The following CMKLR2 variants were observed in gnomAD, a reference collection of about 807,000 sequenced individuals.
The protein encoded by CMKLR2 is chemerin chemokine-like receptor 2.
A neutral mutation model predicts 23.0 loss-of-function variants in CMKLR2; 18 were observed. The ratio of observed to expected loss-of-function variants is 0.78; its 90% CI spans 0.54 to 1.16. The LOEUF is 1.16. Among genes scored for constraint, CMKLR2 ranks in the 50% most tolerant of loss-of-function variants. CMKLR2 has a pLI of 0.00. For missense variants in CMKLR2, 401 were observed against 412.7 expected (o/e 0.97, Z 0.25); for synonymous variants, 158 against 158.9 (o/e 0.99, Z 0.05).
upstream of CMKLR2, among the ~76,000 whole-genome samples, chr2:206,217,039 A>T (rs920377250): frequency 1.3e-5 from 2 of 152,192 alleles, no homozygotes; most frequent in African/African-American, 4.8e-5. Context: ...ATATTATATC[A>T]TCAAGTCATA....
chr2:206,179,383 T>TC (rs1475766001), intron 1 of CMKLR2, among the ~76,000 whole-genome samples: 6 of 142,342 alleles, frequency 4.2e-5, no homozygotes, highest in Non-Finnish European at 9.2e-5. Context: ...CCTTTTTTTT[T>TC]TTTTTTTTTT....
At chr2:206,210,351 G>A (rs1032821122) in intron 1 of CMKLR2, among the ~76,000 whole-genome samples, 4 of 152,110 alleles carry the variant, frequency 2.6e-5, no homozygotes, top group Admixed American at 6.5e-5. Context: ...TGGCTGCACA[G>A]TATTCCATGG....
rs144313527 is a variant in CMKLR2 at position 206,198,487 on chromosome 2, G to A, written c.-29+14820C>T. ...TGAGAAGCTCAAAGATGGCAGCACC[G>A]TATATTCTAGCTCTTTTATTACTCT... is the stretch of plus-strand genomic sequence containing the variant. On this transcript the variant is annotated intron_variant, in intron 1 of 1. Coordinates refer to ENST00000621141, the MANE Select transcript of CMKLR2 (RefSeq NM_001389445.1). Among the ~76,000 whole-genome samples the A allele has an allele frequency of 2.0e-3, 306 of 152,264 alleles. 3 individuals carry two copies. Among genetic ancestry groups the A allele is most frequent in the African/African-American group, 7.1e-3 (293 of 41,558 alleles).
At chr2:206,191,414 C>CT (rs1244099944) in intron 1 of CMKLR2, among the ~76,000 whole-genome samples, 2 of 152,050 alleles carry the variant, frequency 1.3e-5, no homozygotes, top group African/African-American at 4.8e-5. Flanking sequence ...AGTGGGACTT[C>CT]TTTGAGTTAC....
intron 1 of CMKLR2, among the ~76,000 whole-genome samples, chr2:206,190,247 C>G (rs1274674874): frequency 6.6e-6 from 1 of 152,076 alleles, no homozygotes; most frequent in African/African-American, 2.4e-5. Flanking sequence ...TGATTTGGCT[C>G]GAGAAGGGAC....
At chr2:206,182,365 T>C (rs999797760) in intron 1 of CMKLR2, among the ~76,000 whole-genome samples, 4 of 152,216 alleles carry the variant, frequency 2.6e-5, no homozygotes, top group African/African-American at 9.7e-5. Flanking sequence ...ACTTGTCTTA[T>C]CACACTTAAC....
intron 1 of CMKLR2, among the ~76,000 whole-genome samples, chr2:206,180,998 G>T (rs771458408): frequency 2.0e-5 from 3 of 150,122 alleles, no homozygotes; most frequent in African/African-American, 7.4e-5. Context: ...CAGGTGATCC[G>T]CCCACCTTGG....
At chr2:206,213,091 T>C (rs915467554) in intron 1 of CMKLR2, among the ~76,000 whole-genome samples, 2 of 152,234 alleles carry the variant, frequency 1.3e-5, no homozygotes, top group South Asian at 2.1e-4. Context: ...TCAGCAGCTG[T>C]AGCGAACCCT....
intron 1 of CMKLR2, among the ~76,000 whole-genome samples, chr2:206,212,661 C>A (rs554509527): frequency 6.6e-5 from 10 of 152,192 alleles, no homozygotes; most frequent in Non-Finnish European, 1.3e-4. Context: ...ATTTAGCCAT[C>A]TACCCCTTGT....
intron 1 of CMKLR2, among the ~76,000 whole-genome samples, chr2:206,183,281 A>G (rs918147369): frequency 1.4e-4 from 22 of 152,234 alleles, no homozygotes; most frequent in Non-Finnish European, 3.1e-4. Flanking sequence ...AGAAAAGCCC[A>G]TGGAAGACCC....
At chr2:206,184,300 CT>C (rs752263495) in intron 1 of CMKLR2, among the ~76,000 whole-genome samples, 441 of 142,172 alleles carry the variant, frequency 3.1e-3, no homozygotes, top group East Asian at 4.7e-3. Flanking sequence ...CTCTCTCTCT[CT>C]TTTTTTTTTT....
At position 206,207,281 on chromosome 2, in the gene CMKLR2, C is replaced by G. The variant is rs1031866216; in HGVS notation, c.-29+6026G>C. On this transcript the variant is annotated intron_variant, in intron 1 of 1. Transcript: ENST00000621141. ...TCAGCCTCTGGAGTAGCTGGGACAA[C>G]AAGCATGTGCCACCCCACTTGGCTA... Among the ~76,000 whole-genome samples the G allele has an allele frequency of 2.0e-5, 3 of 151,508 alleles. No individual in the cohort carries two copies. In the East Asian group the frequency reaches 5.8e-4, roughly 29 times the overall value.
chr2:206,207,728 C>CTTGTTTTTTTTTTTTT (rs1689382706), intron 1 of CMKLR2, among the ~76,000 whole-genome samples: 1 of 43,582 alleles, frequency 2.3e-5, no homozygotes, highest in Non-Finnish European at 3.7e-5. Context: ...ACCTCAGGGC[C>CTTGTTTTTTTTTTTTT]TTTTTTTTTT....
chr2:206,179,374 C>A (rs1366029989), intron 1 of CMKLR2, among the ~76,000 whole-genome samples: 13 of 76,216 alleles, frequency 1.7e-4, no homozygotes, highest in Non-Finnish European at 3.0e-4. Context: ...CGCACCCAGC[C>A]TTTTTTTTTT....
At chr2:206,183,745 C>T (rs929395205) in intron 1 of CMKLR2, among the ~76,000 whole-genome samples, 3 of 152,046 alleles carry the variant, frequency 2.0e-5, no homozygotes, top group East Asian at 1.9e-4. Flanking sequence ...AAAAGAGAAA[C>T]GGCAGAACTT....
chr2:206,206,076 T>C (rs1431932137), intron 1 of CMKLR2, among the ~76,000 whole-genome samples: 2 of 152,150 alleles, frequency 1.3e-5, no homozygotes, highest in African/African-American at 4.8e-5. Context: ...CCCATTCAAC[T>C]ACCAAAAACC....
intron 1 of CMKLR2, among the ~76,000 whole-genome samples, chr2:206,192,560 C>T (rs1688788308): frequency 6.6e-6 from 1 of 151,480 alleles, no homozygotes; most frequent in African/African-American, 2.4e-5. Context: ...CAAAGCAAAA[C>T]AAAAACTCCT....
At chr2:206,205,408 G>C (rs1481650768) in intron 1 of CMKLR2, among the ~76,000 whole-genome samples, 1 of 152,068 alleles carries the variant, frequency 6.6e-6, no homozygotes, top group Non-Finnish European at 1.5e-5. Context: ...CTGTCTCCAG[G>C]CTAGAGTGCA....
intron 1 of CMKLR2, among the ~76,000 whole-genome samples, chr2:206,198,136 AT>A (rs1272836352): frequency 6.6e-6 from 1 of 152,150 alleles, no homozygotes; most frequent in Non-Finnish European, 1.5e-5. Context: ...AAAATTTGAT[AT>A]TTTGTTAATC....
Sources: allele counts gnomAD v4.1 joint callset (sites outside exome capture counted in the v4.1 genomes callset), GRCh38; gene constraint gnomAD v4.1.1; transcripts MANE v1.5; gene names NCBI Gene and HGNC (gene_info 2026-07-23, HGNC 2026-07-21).